The following DMD variants were observed in gnomAD, a reference collection of about 807,000 sequenced individuals.
DMD encodes the protein mutant dystrophin.
DMD carries 63 observed loss-of-function variants against 330.1 expected under a neutral mutation model. That is an observed-to-expected ratio of 0.19 (90% CI 0.16 to 0.24). The LOEUF (loss-of-function observed/expected upper bound fraction) is 0.24. Among genes scored for constraint, DMD ranks in the 10% least tolerant of loss-of-function variants. The pLI is 1.00. For synonymous variants in DMD, 1,223 were observed against 959.8 expected (o/e 1.27, Z -5.07); for missense variants, 3,344 against 2,684.1 (o/e 1.25, Z -5.43).
Position 31,960,063 on chromosome X carries a change from T to G in DMD, c.6614+8276A>C, listed in dbSNP as rs773099153. 1.0e-4 allele frequency among the ~76,000 whole-genome samples: 11 copies of G among 110,528 alleles called. No homozygotes were observed. The South Asian group carries it at 4.3e-3, about 43-fold the overall frequency. On this transcript the variant is annotated intron_variant, in intron 45 of 78. Transcript: ENST00000357033. ...TGTGAGCCACCGCATCTGGCCTTTTTTTTTTTTCTAATCACCTTTATCAAG... is the reference window on the plus strand; with the variant it reads ...TGTGAGCCACCGCATCTGGCCTTTTGTTTTTTTCTAATCACCTTTATCAAG...
At chrX:31,793,038 A>C (rs1167396555) in intron 50 of DMD, among the ~76,000 whole-genome samples, 1 of 110,682 alleles carries the variant, frequency 9.0e-6, no homozygotes, top group Non-Finnish European at 1.9e-5. Context: ...GGGGAGCTGA[A>C]AAGGGGATGG....
intron 37 of DMD, among the ~76,000 whole-genome samples, chrX:32,357,756 C>T (rs186377039): frequency 9.1e-6 from 1 of 110,457 alleles, no homozygotes; most frequent in Non-Finnish European, 1.9e-5. Flanking sequence ...ATTAGTCTGG[C>T]TGTCCATGAC....
chrX:31,628,804 A>C (rs1414855108), intron 54 of DMD, among the ~76,000 whole-genome samples: 2 of 109,201 alleles, frequency 1.8e-5, no homozygotes, highest in Non-Finnish European at 3.8e-5. Context: ...GTTACTCAAA[A>C]ACATTAGTTC....
At chrX:33,250,918 A>G (rs2052762169) in intron 1 of DMD, among the ~76,000 whole-genome samples, 1 of 111,298 alleles carries the variant, frequency 9.0e-6, no homozygotes, top group Admixed American at 9.6e-5. Context: ...GTACCAGATA[A>G]AAGATGCATA....
chrX:33,337,072 T>C (rs1046069072), intron 1 of DMD, among the ~76,000 whole-genome samples: 7 of 111,470 alleles, frequency 6.3e-5, no homozygotes, highest in Non-Finnish European at 1.1e-4. Flanking sequence ...AACTATAAAC[T>C]AAAAAATACA....
At chrX:33,299,965 T>C (rs2053638417) in intron 1 of DMD, among the ~76,000 whole-genome samples, 1 of 111,746 alleles carries the variant, frequency 8.9e-6, no homozygotes, top group African/African-American at 3.3e-5. Context: ...TTCTAAACTG[T>C]ATCCACTAGA....
chrX:32,705,267 C>A (rs1303501865), intron 7 of DMD, among the ~76,000 whole-genome samples: 2 of 111,927 alleles, frequency 1.8e-5, no homozygotes, highest in Non-Finnish European at 3.8e-5. Flanking sequence ...TTCACTGATA[C>A]AAGCAGTTGC....
intron 18 of DMD, among the ~76,000 whole-genome samples, chrX:32,513,732 A>T (rs1234053536): frequency 8.9e-6 from 1 of 111,968 alleles, no homozygotes; most frequent in African/African-American, 3.2e-5. Context: ...GGGTTTTAAG[A>T]AAGAGATGAG....
intron 11 of DMD, among the ~76,000 whole-genome samples, chrX:32,624,597 A>T (rs993636261): frequency 9.0e-6 from 1 of 111,549 alleles, no homozygotes; most frequent in Non-Finnish European, 1.9e-5. Flanking sequence ...ATGCATTCTA[A>T]GTCAGTAGGC....
intron 7 of DMD, among the ~76,000 whole-genome samples, chrX:32,720,164 C>A (rs1344055741): frequency 9.0e-6 from 1 of 111,243 alleles, no homozygotes; most frequent in Non-Finnish European, 1.9e-5. Context: ...TCATACCTTA[C>A]AAAAGAGTTT....
chrX:31,273,809 T>C (rs1011343669), intron 62 of DMD, among the ~76,000 whole-genome samples: 19 of 111,970 alleles, frequency 1.7e-4, no homozygotes, highest in Non-Finnish European at 3.2e-4. Flanking sequence ...AGACCAATTC[T>C]ACCCCTTAGA....
At chrX:31,422,688 T>C (rs2063507588) in intron 60 of DMD, among the ~76,000 whole-genome samples, 1 of 112,027 alleles carries the variant, frequency 8.9e-6, no homozygotes, top group Non-Finnish European at 1.9e-5. Context: ...AATAAAGTGA[T>C]GGGGATAATA....
intron 55 of DMD, among the ~76,000 whole-genome samples, chrX:31,536,389 GA>G (rs1380532682): frequency 9.0e-6 from 1 of 111,554 alleles, no homozygotes; most frequent in East Asian, 2.8e-4. Flanking sequence ...AAAACAGAAG[GA>G]AAAGAGGTAG....
rs774614240 is a variant in DMD, at chrX:32,285,805, TTCTCCTGCC to T, written c.6290+1715_6290+1723del. On this transcript the variant is annotated intron_variant, in intron 43 of 78. Transcript: ENST00000357033. ...GCCTCTGCCTCCTGGGTTCAAGGGA[TTCTCCTGCC>T]TCAGCCTCCCGAGTAGCTGGGACTA... is the stretch of plus-strand genomic sequence containing the variant. 1.4e-3 allele frequency among the ~76,000 whole-genome samples: 151 copies of T among 110,466 alleles called. 1 individual carries two copies. The highest frequency in any genetic ancestry group is 4.8e-3 in the African/African-American group (145 of 30,380).
At chrX:31,133,348 G>A (rs1269297807) in intron 77 of DMD, among the ~76,000 whole-genome samples, 1 of 111,065 alleles carries the variant, frequency 9.0e-6, no homozygotes, top group Non-Finnish European at 1.9e-5. Context: ...TTTTATGTGA[G>A]GGCAATAAAC....
chrX:31,508,215 T>C (rs1479172191), intron 55 of DMD: 2 of 1,201,091 alleles, frequency 1.7e-6, no homozygotes, highest in Non-Finnish European at 2.3e-6. Context: ...GACCTTTACA[T>C]GGTATGTCTT....
intron 51 of DMD, among the ~76,000 whole-genome samples, chrX:31,752,287 T>G (rs1016752222): frequency 5.4e-5 from 6 of 111,604 alleles, no homozygotes; most frequent in Non-Finnish European, 1.1e-4. Context: ...GGTTCTGCAT[T>G]TACTTAGCAT....
chrX:32,903,283 A>G (rs1355807915), intron 2 of DMD, among the ~76,000 whole-genome samples: 7 of 110,353 alleles, frequency 6.3e-5, no homozygotes, highest in African/African-American at 2.3e-4. Context: ...TATAAAAATC[A>G]TAACTCTTCA....
intron 60 of DMD, 75 bp downstream of exon 60, chrX:31,444,406 T>C: frequency 1.8e-6 from 2 of 1,127,800 alleles, no homozygotes; most frequent in Non-Finnish European, 2.4e-6. Flanking sequence ...AAAAGTACTT[T>C]CATTGTTCTT....
Sources: allele counts gnomAD v4.1 joint callset (sites outside exome capture counted in the v4.1 genomes callset), GRCh38; gene constraint gnomAD v4.1.1; transcripts MANE v1.5; gene names NCBI Gene and HGNC (gene_info 2026-07-23, HGNC 2026-07-21).